SCN8A: variants seen among roughly 807,000 people sequenced by gnomAD.
SCN8A encodes the protein sodium channel protein type 8 subunit alpha.
Under a neutral mutation model 184.1 loss-of-function variants are expected in SCN8A, and 30 were observed. The ratio of observed to expected loss-of-function variants is 0.16; its 90% CI spans 0.12 to 0.22. The LOEUF is 0.22. Ranked by LOEUF, SCN8A falls within the 10% of genes least tolerant of loss-of-function variation. SCN8A has a pLI of 1.00. For synonymous variants in SCN8A, 852 were observed against 907.0 expected, an observed-to-expected ratio of 0.94 and a Z score of 1.09; for missense variants, 1,057 against 2,498.9, an observed-to-expected ratio of 0.42 and a Z score of 12.30.
At chr12:51,641,747 G>A (rs573773563) in intron 1 of SCN8A, among the ~76,000 whole-genome samples, 1 of 152,280 alleles carries the variant, frequency 6.6e-6, no homozygotes, top group African/African-American at 2.4e-5. Flanking sequence ...AAATCACTGG[G>A]GCGGAGAGCA....
chr12:51,730,814 A>AT (rs1942228604), intron 12 of SCN8A, among the ~76,000 whole-genome samples: 2 of 151,986 alleles, frequency 1.3e-5, no homozygotes, highest in Non-Finnish European at 2.9e-5. Context: ...CTTTCTAACA[A>AT]TTTTTTTTGT....
intron 12 of SCN8A, among the ~76,000 whole-genome samples, chr12:51,728,316 C>T (rs1161819910): frequency 1.3e-5 from 2 of 152,138 alleles, no homozygotes; most frequent in African/African-American, 2.4e-5. Context: ...CCCAAGAAAC[C>T]ATCCCCCTTA....
chr12:51,792,488 C>A (rs1271387761), intron 25 of SCN8A, among the ~76,000 whole-genome samples: 17 of 51,590 alleles, frequency 3.3e-4, no homozygotes, highest in East Asian at 1.9e-3. Context: ...GACCCTATCT[C>A]AAAAAAAAAA....
intron 12 of SCN8A, among the ~76,000 whole-genome samples, chr12:51,733,037 G>A (rs1017634737): frequency 1.3e-5 from 2 of 152,018 alleles, no homozygotes; most frequent in Admixed American, 6.6e-5. Flanking sequence ...CGATTTGTGT[G>A]CCCTTTATTT....
chr12:51,650,931 G>A (rs1030712786), intron 1 of SCN8A, among the ~76,000 whole-genome samples: 26 of 152,196 alleles, frequency 1.7e-4, no homozygotes, highest in Admixed American at 4.6e-4. Flanking sequence ...AGTCATTAGC[G>A]TTGTTTCTAT....
At chr12:51,717,457 C>T (rs574503933) in intron 11 of SCN8A, among the ~76,000 whole-genome samples, 1 of 152,278 alleles carries the variant, frequency 6.6e-6, no homozygotes, top group South Asian at 2.1e-4. Context: ...CTAAATGCCC[C>T]TCTCAGTTTC....
At position 51,807,109 on chromosome 12, in the gene SCN8A, G is replaced by T; in HGVS notation, c.5623G>T (p.Ala1875Ser). 3 of 1,613,952 alleles carry T rather than the reference G, an allele frequency of 1.9e-6. No homozygotes were observed. Among genetic ancestry groups the T allele is most frequent in the Non-Finnish European group, 2.5e-6 (3 of 1,179,886 alleles). The change falls in exon 27 of 27, where the codon GCA (alanine) becomes TCA (serine). Residue 1875 changes from alanine (A) to serine (S), a missense_variant. Physicochemically the swap from Ala to Ser is moderately conservative, Grantham distance 99. Coordinates refer to ENST00000627620, the MANE Select transcript of SCN8A (RefSeq NM_001330260.2). The surrounding 1 kb of genome is among the most constrained non-coding windows in gnomAD (Gnocchi z 4.5). ...LRQQMEERFV[A>S]SNPSKVSYEP... ...GCAGCAGATGGAAGAGCGGTTCGTGGCATCCAATCCTTCCAAAGTGTCTTA... is the reference window on the plus strand; with the variant it reads ...GCAGCAGATGGAAGAGCGGTTCGTGTCATCCAATCCTTCCAAAGTGTCTTA...
At chr12:51,693,824 A>G (rs557366747) in intron 6 of SCN8A, among the ~76,000 whole-genome samples, 6 of 152,338 alleles carry the variant, frequency 3.9e-5, no homozygotes, top group Non-Finnish European at 7.3e-5. Context: ...GCCTGTTTCA[A>G]TATTAACTTT....
intron 1 of SCN8A, among the ~76,000 whole-genome samples, chr12:51,651,208 G>A (rs1188256330): frequency 6.6e-6 from 1 of 152,148 alleles, no homozygotes; most frequent in African/African-American, 2.4e-5. Context: ...CAGAGATTTT[G>A]TTTATGGCCA....
At chr12:51,735,616 C>T (rs1157421719) in intron 12 of SCN8A, among the ~76,000 whole-genome samples, 1 of 152,172 alleles carries the variant, frequency 6.6e-6, no homozygotes, top group Non-Finnish European at 1.5e-5. Context: ...GTCCCGCTTT[C>T]CTCAGGTTTT....
chr12:51,770,607 C>A lies in SCN8A; in HGVS notation c.3569C>A (p.Thr1190Asn), dbSNP rs778239289. ...AAGTCTTGGTGGATCCTGCGGAAAACCTGCTTCCTCATCGTGGAGCACAAC... is the reference window on the plus strand; with the variant it reads ...AAGTCTTGGTGGATCCTGCGGAAAAACTGCTTCCTCATCGTGGAGCACAAC... ...LGKSWWILRK[T>N]CFLIVEHNWF... is the part of the protein sequence containing the mutation. The change falls in exon 19 of 27, where the codon ACC becomes AAC. Residue 1190 changes from threonine (T) to asparagine (N), a missense_variant. By Grantham distance (65) the Thr-to-Asn change is moderately conservative (BLOSUM62 0). Coordinates refer to ENST00000627620, the MANE Select transcript of SCN8A (RefSeq NM_001330260.2). 4.3e-6 allele frequency: 7 copies of A among 1,614,142 alleles called. No homozygotes were observed. Among genetic ancestry groups the A allele is most frequent in the Non-Finnish European group, 5.9e-6 (7 of 1,179,992 alleles).
chr12:51,765,639 T>TA, intron 15 of SCN8A, 32 bp from the exon 16 acceptor site: 1 of 1,276,172 alleles, frequency 7.8e-7, no homozygotes, highest in East Asian at 2.5e-5. Flanking sequence ...GAGTATCATT[T>TA]ATTTTTTTGT....
chr12:51,766,150 T>A, intron 16 of SCN8A, 123 bp downstream of exon 16: 1 of 833,870 alleles, frequency 1.2e-6, no homozygotes, highest in Middle Eastern at 3.3e-4. Flanking sequence ...ATTTTTATTC[T>A]TTCTTGGCCC....
In SCN8A at chr12:51,713,512, T is replaced by A; in HGVS notation, c.1635+6797T>A. The A allele has an allele frequency of 6.6e-6, 5 of 761,816 alleles. No individual in the cohort carries two copies. The South Asian group carries it at 6.8e-5, about 10-fold the overall frequency. The allele number at this position is 761,816 out of a possible 1,614,324, so 47.2% of individuals were successfully genotyped here. A position where few individuals can be genotyped will look rare whatever the true frequency, so the allele number is the denominator to read the frequency against. ...ACCAATAAACAGTTTTCTCAACTGC[T>A]CTGGTTCCTTTGGGTCATGGCCCTC... On this transcript the variant is annotated intron_variant, in intron 11 of 26. Transcript: ENST00000627620.
chr12:51,694,630 G>A (rs145186078), intron 6 of SCN8A, among the ~76,000 whole-genome samples: 1 of 152,322 alleles, frequency 6.6e-6, no homozygotes, highest in African/African-American at 2.4e-5. Flanking sequence ...TTGTGTAGGA[G>A]TCTTTTGAAG....
chr12:51,650,593 C>T (rs1233422380), intron 1 of SCN8A, among the ~76,000 whole-genome samples: 1 of 151,574 alleles, frequency 6.6e-6, no homozygotes, highest in East Asian at 1.9e-4. Flanking sequence ...GGAGCAGGCC[C>T]CCCAAAATCT....
At position 51,788,287 on chromosome 12, in the gene SCN8A, C is replaced by CTTTTTTTTT. The variant is rs66672221; in HGVS notation, c.4228-395_4228-387dup. Among the ~76,000 whole-genome samples, 212 of 83,970 alleles carry CTTTTTTTTT rather than the reference C, an allele frequency of 2.5e-3. 3 individuals are homozygous for CTTTTTTTTT. Among genetic ancestry groups the CTTTTTTTTT allele is most frequent in the African/African-American group, 9.4e-3 (189 of 20,060 alleles). 55.1% of individuals were successfully genotyped at this position (83,970 alleles called of 152,430 possible). A position where few individuals can be genotyped will look rare whatever the true frequency, so the allele number is the denominator to read the frequency against. ...TTTTCCAACCCCCATCGCTTAACAC[C>CTTTTTTTTT]TTTTTTTTTTTTTTTTTTTTTGCTT... On this transcript the variant is annotated intron_variant, in intron 22 of 26. Coordinates refer to ENST00000627620, the MANE Select transcript of SCN8A (RefSeq NM_001330260.2).
chr12:51,667,738 T>C (rs1435991467), intron 2 of SCN8A, among the ~76,000 whole-genome samples: 2 of 152,228 alleles, frequency 1.3e-5, no homozygotes, highest in African/African-American at 2.4e-5. Flanking sequence ...CAGAATTGAC[T>C]CCTATCCCTT....
intron 6 of SCN8A, among the ~76,000 whole-genome samples, chr12:51,697,478 C>T (rs1348771288): frequency 2.0e-5 from 3 of 152,232 alleles, no homozygotes; most frequent in East Asian, 1.9e-4. Context: ...CTATTGGGCT[C>T]GACTTTGAAA....
Sources: gnomAD v4.1 joint callset for allele counts (sites outside exome capture counted in the v4.1 genomes callset) on GRCh38, gnomAD v4.1.1 for gene constraint, Gnocchi (gnomAD v3.1) non-coding constraint, MANE v1.5 for transcripts, NCBI Gene and HGNC (gene_info 2026-07-23, HGNC 2026-07-21) for gene names.